The following TRPC4 variants were observed in gnomAD, a reference collection of about 807,000 sequenced individuals.
TRPC4 encodes short transient receptor potential channel 4.
TRPC4 carries 49 observed loss-of-function variants against 99.4 expected under a neutral mutation model. That is an observed-to-expected ratio of 0.49 (90% confidence interval 0.39 to 0.63). The LOEUF (loss-of-function observed/expected upper bound fraction) is 0.63. TRPC4 is among the 20% of genes least tolerant of loss of function. The pLI is 0.00. For synonymous variants in TRPC4, 454 were observed against 425.9 expected (o/e 1.07, Z -0.81); for missense variants, 898 against 1,152.9 (o/e 0.78, Z 3.20).
intron 1 of TRPC4, among the ~76,000 whole-genome samples, chr13:37,804,528 G>T (rs1957481818): frequency 6.6e-6 from 1 of 152,032 alleles, no homozygotes. Flanking sequence ...TACTTTTATA[G>T]AGAAATAGTT....
In TRPC4 at chr13:37,829,535, T is replaced by C. The variant is rs891747104; in HGVS notation, c.-28+40060A>G. Among the ~76,000 whole-genome samples, 4 of 152,298 alleles carry C rather than the reference T, an allele frequency of 2.6e-5. No individual in the cohort carries two copies. The East Asian group carries it at 7.7e-4, about 29-fold the overall frequency. On this transcript the variant is annotated intron_variant, in intron 1 of 10. Coordinates refer to ENST00000379705, the MANE Select transcript of TRPC4 (RefSeq NM_016179.4). Reference sequence around the variant, plus strand: ...AATCTTTGTGCATTGCTGGTTGGATTGGGAACCAATAAAACCAGTTGGATC... The same window carrying C: ...AATCTTTGTGCATTGCTGGTTGGATCGGGAACCAATAAAACCAGTTGGATC...
intron 4 of TRPC4, among the ~76,000 whole-genome samples, chr13:37,678,106 T>G (rs1012718261): frequency 6.6e-6 from 1 of 152,108 alleles, no homozygotes; most frequent in African/African-American, 2.4e-5. Flanking sequence ...AAAAACTCTT[T>G]GTGAGGCATC....
At chr13:37,804,205 G>A (rs982927186) in intron 1 of TRPC4, among the ~76,000 whole-genome samples, 2 of 152,104 alleles carry the variant, frequency 1.3e-5, no homozygotes, top group Non-Finnish European at 2.9e-5. Context: ...TGGGTAGGTG[G>A]TATGTCCTAG....
chr13:37,740,456 T>C (rs993279054), intron 3 of TRPC4, among the ~76,000 whole-genome samples: 15 of 152,150 alleles, frequency 9.9e-5, no homozygotes, highest in South Asian at 2.1e-4. Context: ...GATACACTTA[T>C]CAAAAAAGAG....
At chr13:37,805,916 A>G (rs1407778888) in intron 1 of TRPC4, among the ~76,000 whole-genome samples, 1 of 152,104 alleles carries the variant, frequency 6.6e-6, no homozygotes, top group African/African-American at 2.4e-5. Context: ...GAGAAAAAAA[A>G]GAAACACATT....
intron 3 of TRPC4, among the ~76,000 whole-genome samples, chr13:37,704,347 T>C (rs1954198343): frequency 6.6e-6 from 1 of 152,184 alleles, no homozygotes; most frequent in Non-Finnish European, 1.5e-5. Flanking sequence ...TCACTTTAAA[T>C]ATGGGCAGTT....
intron 2 of TRPC4, 68 bp from the exon 3 acceptor site, chr13:37,746,523 C>G (rs1955787703): frequency 6.7e-7 from 1 of 1,487,492 alleles, no homozygotes; most frequent in South Asian, 1.4e-5. Flanking sequence ...TTTCATACAC[C>G]ATGCTATAGC....
chr13:37,711,195 C>T (rs1954473292), intron 3 of TRPC4, among the ~76,000 whole-genome samples: 1 of 151,844 alleles, frequency 6.6e-6, no homozygotes. Flanking sequence ...CTTTTGTTTG[C>T]ATTGTACAAA....
intron 3 of TRPC4, among the ~76,000 whole-genome samples, chr13:37,694,461 G>A (rs1953843236): frequency 6.6e-6 from 1 of 152,040 alleles, no homozygotes; most frequent in Non-Finnish European, 1.5e-5. Context: ...GGGCACCTGA[G>A]GACAATCAAA....
chr13:37,858,782 G>T (rs1023578072), intron 1 of TRPC4, among the ~76,000 whole-genome samples: 10 of 151,486 alleles, frequency 6.6e-5, no homozygotes, highest in African/African-American at 2.4e-4. Flanking sequence ...CCAGAGGCTG[G>T]TATGGGTAAT....
Position 37,692,117 on chromosome 13 carries a change from G to A in TRPC4, c.1116C>T (p.Ser372=). The stretch of plus-strand genomic sequence containing the variant: ...GCAGCAGGAACAAAAAAGTCAAATA[G>A]GAGGCTGTGTGGCAGATAAACTTGA... ...PFIKFICHTA[S]YLTFLFLLLL... The change falls in exon 4 of 11, where the codon TCC becomes TCT. Residue 372 remains serine, a synonymous_variant. Coordinates refer to ENST00000379705, the MANE Select transcript of TRPC4 (RefSeq NM_016179.4). 6.2e-7 allele frequency: 1 copy of A among 1,614,158 alleles called. No individual in the cohort carries two copies. Among genetic ancestry groups the A allele is most frequent in the Non-Finnish European group, 8.5e-7 (1 of 1,180,022 alleles).
chr13:37,803,911 C>T, intron 1 of TRPC4, among the ~76,000 whole-genome samples: 2 of 152,136 alleles, frequency 1.3e-5, no homozygotes, highest in Middle Eastern at 6.8e-3. Flanking sequence ...GGGAGAAATA[C>T]CTGAGTATGT....
chr13:37,869,125 T>C (rs1025039891), intron 1 of TRPC4, among the ~76,000 whole-genome samples: 3 of 152,068 alleles, frequency 2.0e-5, no homozygotes, highest in Admixed American at 6.5e-5. Flanking sequence ...TTGATCACTC[T>C]CCTTCCTTCG....
chr13:37,850,188 T>C (rs902666844), intron 1 of TRPC4, among the ~76,000 whole-genome samples: 12 of 152,150 alleles, frequency 7.9e-5, no homozygotes, highest in Admixed American at 6.5e-5. Context: ...CCAATCCTTT[T>C]ATAATGGACA....
intron 4 of TRPC4, among the ~76,000 whole-genome samples, chr13:37,680,064 C>T (rs528706270): frequency 2.0e-5 from 3 of 152,240 alleles, no homozygotes; most frequent in East Asian, 3.9e-4. Context: ...GAAGAAAGCA[C>T]GACTGGATCA....
intron 1 of TRPC4, among the ~76,000 whole-genome samples, chr13:37,843,669 C>T (rs817618): frequency 0.99 from 150,290 of 152,082 alleles, 74,283 homozygotes; most frequent in Middle Eastern, 1. Flanking sequence ...ATGTCTTCAA[C>T]TGATGTTTGG....
At chr13:37,768,888 G>A (rs73168487) in intron 2 of TRPC4, among the ~76,000 whole-genome samples, 15,138 of 151,346 alleles carry the variant, frequency 0.1, 1,108 homozygotes, top group African/African-American at 0.21. Flanking sequence ...CAGGTATACA[G>A]TGAGTGGAAT....
chr13:37,659,047 G>C (rs1305637376), intron 6 of TRPC4, among the ~76,000 whole-genome samples: 1 of 152,208 alleles, frequency 6.6e-6, no homozygotes, highest in East Asian at 1.9e-4. Flanking sequence ...ATATTGAAGA[G>C]TAAAGTGTTA....
At position 37,632,067 on chromosome 13, in the gene TRPC4, G is replaced by C. The variant is rs960157982; in HGVS notation, c.*4836C>G. On this transcript the variant is annotated 3_prime_UTR_variant, in exon 11 of 11. Coordinates refer to ENST00000379705, the MANE Select transcript of TRPC4 (RefSeq NM_016179.4). ...AGTCCATTAGGAGATTAGGAATCAAGGAGAGACTGCAAACTTTAATAGAGC... is the reference window on the plus strand; with the variant it reads ...AGTCCATTAGGAGATTAGGAATCAACGAGAGACTGCAAACTTTAATAGAGC... Among the ~76,000 whole-genome samples the C allele has an allele frequency of 3.9e-5, 6 of 152,152 alleles. No individual in the cohort carries two copies. Among genetic ancestry groups the C allele is most frequent in the Middle Eastern group, 3.2e-3 (1 of 316 alleles).
Sources: gnomAD v4.1 joint callset for allele counts (sites outside exome capture counted in the v4.1 genomes callset) on GRCh38, gnomAD v4.1.1 for gene constraint, MANE v1.5 for transcripts, NCBI Gene and HGNC (gene_info 2026-07-23, HGNC 2026-07-21) for gene names.